WDR7: variants seen among roughly 807,000 people sequenced by gnomAD.
WDR7 encodes WD repeat-containing protein 7.
WDR7 carries 46 observed loss-of-function variants against 169.4 expected under a neutral mutation model. The ratio of observed to expected loss-of-function variants is 0.27; its 90% CI spans 0.21 to 0.35. The LOEUF (loss-of-function observed/expected upper bound fraction) is 0.35. Ranked by LOEUF, WDR7 falls within the 10% of genes least tolerant of loss-of-function variation. The probability of loss-of-function intolerance (pLI) is 1.00; values close to 1 mark genes in which losing one functional copy is unlikely to be tolerated. For synonymous variants in WDR7, 612 were observed against 666.8 expected, an observed-to-expected ratio of 0.92 and a Z score of 1.27; for missense variants, 1,534 against 1,859.3, an observed-to-expected ratio of 0.83 and a Z score of 3.22.
At chr18:57,025,310 T>G (rs528965497) in intron 27 of WDR7, among the ~76,000 whole-genome samples, 55 of 152,380 alleles carry the variant, frequency 3.6e-4, no homozygotes, top group African/African-American at 1.1e-3. Flanking sequence ...CGCCTGTTGA[T>G]GCCAGTTAAT....
chr18:56,687,474 A>G (rs1293633558), intron 7 of WDR7, among the ~76,000 whole-genome samples: 4 of 152,192 alleles, frequency 2.6e-5, no homozygotes, highest in Non-Finnish European at 5.9e-5. Context: ...TGTGACTAGC[A>G]CTTTTTTCAA....
At chr18:56,685,034 A>G (rs1046179984) in intron 5 of WDR7, among the ~76,000 whole-genome samples, 2 of 152,194 alleles carry the variant, frequency 1.3e-5, no homozygotes, top group South Asian at 4.1e-4. Context: ...CTCCTTTTAT[A>G]TATGTTTACA....
intron 26 of WDR7, among the ~76,000 whole-genome samples, chr18:57,015,933 A>G (rs1328438474): frequency 6.6e-6 from 1 of 152,206 alleles, no homozygotes; most frequent in Non-Finnish European, 1.5e-5. Context: ...CAGACACTTC[A>G]TTCAGGCTCA....
At chr18:56,955,488 CTTGTAAA>C (rs2047238421) in intron 25 of WDR7, among the ~76,000 whole-genome samples, 3 of 152,102 alleles carry the variant, frequency 2.0e-5, no homozygotes, top group African/African-American at 4.8e-5. Flanking sequence ...CAGGTTTATA[CTTGTAAA>C]TTGTAAGTAT....
intron 12 of WDR7, among the ~76,000 whole-genome samples, chr18:56,707,426 G>GTTTTTTTT (rs1232820703): frequency 8.1e-6 from 1 of 123,862 alleles, no homozygotes. Flanking sequence ...TTTGCGTTTT[G>GTTTTTTTT]TTTTTTTTTT....
chr18:56,836,455 C>T (rs1372833627), intron 20 of WDR7, among the ~76,000 whole-genome samples: 8 of 152,178 alleles, frequency 5.3e-5, no homozygotes. Context: ...CTTCACCAGC[C>T]AGTCACACAG....
chr18:56,763,893 G>A (rs2044020857), intron 16 of WDR7, among the ~76,000 whole-genome samples: 1 of 151,976 alleles, frequency 6.6e-6, no homozygotes, highest in Non-Finnish European at 1.5e-5. Flanking sequence ...TGTAGGATTT[G>A]AAATTATATT....
chr18:57,018,435 G>A (rs1012612434), intron 26 of WDR7, among the ~76,000 whole-genome samples: 1 of 152,232 alleles, frequency 6.6e-6, no homozygotes, highest in Non-Finnish European at 1.5e-5. Flanking sequence ...GGGCAGCCTG[G>A]TACACAGGTC....
intron 26 of WDR7, among the ~76,000 whole-genome samples, chr18:56,987,863 T>A (rs1168365067): frequency 1.3e-5 from 2 of 152,240 alleles, no homozygotes; most frequent in Non-Finnish European, 2.9e-5. Context: ...CTGTCATGCA[T>A]AAGCTGGATA....
At chr18:56,760,260 T>A (rs2043961210) in intron 16 of WDR7, among the ~76,000 whole-genome samples, 1 of 152,154 alleles carries the variant, frequency 6.6e-6, no homozygotes, top group African/African-American at 2.4e-5. Context: ...TGCCAGCACT[T>A]CAGAAGCATC....
intron 20 of WDR7, among the ~76,000 whole-genome samples, chr18:56,854,140 C>T (rs1325084258): frequency 2.6e-5 from 4 of 152,200 alleles, no homozygotes; most frequent in African/African-American, 9.7e-5. Context: ...TTCTCCCCTC[C>T]AGCAAGCAAA....
intron 1 of WDR7, among the ~76,000 whole-genome samples, chr18:56,668,354 G>A (rs150763729): frequency 1.3e-5 from 2 of 152,052 alleles, no homozygotes; most frequent in East Asian, 3.9e-4. Flanking sequence ...AGCCTATTCC[G>A]GTTAATTCCT....
chr18:56,743,333 A>G (rs968387005), intron 14 of WDR7, among the ~76,000 whole-genome samples: 2 of 152,156 alleles, frequency 1.3e-5, no homozygotes, highest in African/African-American at 4.8e-5. Flanking sequence ...ATGGTTCTTA[A>G]TACTGTGGAA....
intron 19 of WDR7, among the ~76,000 whole-genome samples, chr18:56,789,659 G>T (rs1250735888): frequency 6.6e-6 from 1 of 152,192 alleles, no homozygotes; most frequent in Non-Finnish European, 1.5e-5. Flanking sequence ...AAACTGCTGG[G>T]CTTGAAAGGC....
intron 20 of WDR7, among the ~76,000 whole-genome samples, chr18:56,851,697 G>T (rs193166021): frequency 2.4e-4 from 37 of 152,222 alleles, no homozygotes; most frequent in African/African-American, 8.4e-4. Flanking sequence ...AAATGTCAGG[G>T]TTATGAATGA....
intron 1 of WDR7, among the ~76,000 whole-genome samples, chr18:56,657,607 A>G (rs2024805393): frequency 6.6e-6 from 1 of 152,268 alleles, no homozygotes; most frequent in Non-Finnish European, 1.5e-5. Flanking sequence ...AAATTCTGCC[A>G]TCAATAAGAG....
intron 26 of WDR7, among the ~76,000 whole-genome samples, chr18:56,987,915 G>A (rs533883430): frequency 6.6e-6 from 1 of 152,180 alleles, no homozygotes; most frequent in East Asian, 1.9e-4. Context: ...TTAATTTCTT[G>A]AACATTTTAC....
At chr18:56,683,787 A>G (rs2025394899) in intron 5 of WDR7, among the ~76,000 whole-genome samples, 1 of 152,206 alleles carries the variant, frequency 6.6e-6, no homozygotes, top group African/African-American at 2.4e-5. Flanking sequence ...ATTGCCTTCA[A>G]CTTTATAGGA....
chr18:56,701,578 T>G (rs1240842260), intron 12 of WDR7, among the ~76,000 whole-genome samples: 1 of 152,204 alleles, frequency 6.6e-6, no homozygotes, highest in Non-Finnish European at 1.5e-5. Context: ...GATTCAAATT[T>G]AAACTCGAGC....
Sources: allele counts gnomAD v4.1 joint callset (sites outside exome capture counted in the v4.1 genomes callset), GRCh38; gene constraint gnomAD v4.1.1; transcripts MANE v1.5; gene names NCBI Gene and HGNC (gene_info 2026-07-23, HGNC 2026-07-21).